Variants in PPP2R5A observed in about 807,000 individuals in gnomAD.
PPP2R5A encodes the protein protein phosphatase 2 regulatory subunit B'alpha.
PPP2R5A carries 25 observed loss-of-function variants against 64.2 expected under a neutral mutation model. The observed-to-expected ratio is 0.39, with a 90% CI of 0.28 to 0.54. The LOEUF is 0.54. PPP2R5A is among the 20% of genes least tolerant of loss of function. The pLI, the probability that PPP2R5A is intolerant of heterozygous loss-of-function variation, is 0.67. For missense variants in PPP2R5A, 425 were observed against 576.3 expected (o/e 0.74, Z 2.69); for synonymous variants, 198 against 201.2 (o/e 0.98, Z 0.13).
chr1:212,290,782 T>C (rs1218488119), intron 1 of PPP2R5A, among the ~76,000 whole-genome samples: 2 of 152,232 alleles, frequency 1.3e-5, no homozygotes, highest in African/African-American at 4.8e-5. Flanking sequence ...CATTGTAGTA[T>C]GTTACTGTCA....
intron 1 of PPP2R5A, among the ~76,000 whole-genome samples, chr1:212,294,215 G>T (rs1326180794): frequency 6.6e-6 from 1 of 152,038 alleles, no homozygotes; most frequent in African/African-American, 2.4e-5. Flanking sequence ...CATAATTACA[G>T]CTATTACCAT....
At chr1:212,322,231 A>ACTGTG (rs1282953892) in intron 1 of PPP2R5A, among the ~76,000 whole-genome samples, 1 of 103,810 alleles carries the variant, frequency 9.6e-6, no homozygotes, top group Non-Finnish European at 1.9e-5. Context: ...GGAGAGGGAG[A>ACTGTG]GGGAGAGGGA....
intron 1 of PPP2R5A, among the ~76,000 whole-genome samples, chr1:212,298,843 T>C (rs1658743091): frequency 1.2e-4 from 4 of 33,174 alleles, no homozygotes; most frequent in African/African-American, 3.0e-4. Context: ...GAGGCGCCCC[T>C]CACCTCCCGG....
rs1037772579 is a variant in PPP2R5A at position 212,331,691 on chromosome 1, C to T, written c.379-1806C>T. ...GCTTATATTCAGGAATTTTTAAAGT[C>T]CTGGGAATTAATCTCTAAAATTGTT... is the stretch of plus-strand genomic sequence containing the variant. On this transcript the variant is annotated intron_variant, in intron 2 of 12. Coordinates refer to ENST00000261461, the MANE Select transcript of PPP2R5A (RefSeq NM_006243.4). 13 of 152,116 alleles carry T rather than the reference C, an allele frequency of 8.5e-5. No homozygotes were observed. The South Asian group carries it at 1.9e-3, about 22-fold the overall frequency. 9.4% of individuals were successfully genotyped at this position (152,116 alleles called of 1,614,324 possible).
At chr1:212,307,732 A>G (rs1209843771) in intron 1 of PPP2R5A, among the ~76,000 whole-genome samples, 3 of 152,226 alleles carry the variant, frequency 2.0e-5, no homozygotes, top group Non-Finnish European at 4.4e-5. Flanking sequence ...ATTGGTGGTC[A>G]TATGCTTGAG....
At chr1:212,291,487 A>G (rs1437539266) in intron 1 of PPP2R5A, among the ~76,000 whole-genome samples, 1 of 152,258 alleles carries the variant, frequency 6.6e-6, no homozygotes, top group African/African-American at 2.4e-5. Flanking sequence ...ATCCACTTAC[A>G]GTATTTTTAA....
Position 212,312,757 on chromosome 1 carries a change from C to T in PPP2R5A, c.182-16378C>T, listed in dbSNP as rs553930817. Among the ~76,000 whole-genome samples the T allele has an allele frequency of 1.6e-4, 25 of 152,034 alleles. 2 individuals are homozygous for T. The South Asian group carries it at 5.0e-3, about 30-fold the overall frequency. ...TTTGACTGATTCCTAATTTAAAACCCCAACAGGGAAATTACAAGAAAATTA... is the reference window on the plus strand; with the variant it reads ...TTTGACTGATTCCTAATTTAAAACCTCAACAGGGAAATTACAAGAAAATTA... On this transcript the variant is annotated intron_variant, in intron 1 of 12. Coordinates refer to ENST00000261461, the MANE Select transcript of PPP2R5A (RefSeq NM_006243.4).
chr1:212,341,111 A>C (rs1571604392), intron 3 of PPP2R5A, among the ~76,000 whole-genome samples: 1 of 152,182 alleles, frequency 6.6e-6, no homozygotes. Context: ...ATAAAAAAAA[A>C]CTTTAGTCAT....
chr1:212,294,464 AAAC>A (rs756379237), intron 1 of PPP2R5A, among the ~76,000 whole-genome samples: 2 of 152,234 alleles, frequency 1.3e-5, no homozygotes, highest in Non-Finnish European at 2.9e-5. Flanking sequence ...AAACAAACAA[AAAC>A]AACAACAAAA....
intron 3 of PPP2R5A, among the ~76,000 whole-genome samples, chr1:212,334,987 T>C (rs1659565860): frequency 2.0e-5 from 3 of 152,146 alleles, no homozygotes; most frequent in African/African-American, 7.2e-5. Flanking sequence ...TTCCTGCCCT[T>C]TTTCTCTCAT....
intron 8 of PPP2R5A, among the ~76,000 whole-genome samples, chr1:212,353,249 C>A (rs890290675): frequency 2.6e-5 from 4 of 152,236 alleles, no homozygotes; most frequent in Non-Finnish European, 4.4e-5. Context: ...CAGCATGGCA[C>A]CTTACTTCAT....
intron 8 of PPP2R5A, among the ~76,000 whole-genome samples, chr1:212,354,887 C>A (rs1417597352): frequency 6.6e-6 from 1 of 152,148 alleles, no homozygotes; most frequent in Non-Finnish European, 1.5e-5. Flanking sequence ...ACAAGAACAT[C>A]CTGTACAGGT....
At chr1:212,319,947 G>GTTTTTTTT (rs71137742) in intron 1 of PPP2R5A, among the ~76,000 whole-genome samples, 3 of 103,388 alleles carry the variant, frequency 2.9e-5, no homozygotes, top group Non-Finnish European at 5.7e-5. Flanking sequence ...CTTACAGATT[G>GTTTTTTTT]TTTTTTTTTT....
chr1:212,325,083 C>T (rs1300069008), intron 1 of PPP2R5A, among the ~76,000 whole-genome samples: 2 of 151,728 alleles, frequency 1.3e-5, no homozygotes, highest in African/African-American at 4.8e-5. Context: ...CCTTATATAC[C>T]CTACCCTAGA....
chr1:212,329,939 C>A (rs112707026), intron 2 of PPP2R5A, among the ~76,000 whole-genome samples: 3 of 152,160 alleles, frequency 2.0e-5, no homozygotes, highest in East Asian at 1.9e-4. Context: ...CCACCGCACC[C>A]GGCCATTACT....
intron 1 of PPP2R5A, among the ~76,000 whole-genome samples, chr1:212,327,098 T>C (rs1394298424): frequency 1.3e-5 from 2 of 152,238 alleles, no homozygotes; most frequent in Admixed American, 6.5e-5. Context: ...TTACGAAGCA[T>C]AGGCATTCTT....
At chr1:212,307,246 A>T (rs1658935317) in intron 1 of PPP2R5A, among the ~76,000 whole-genome samples, 1 of 148,654 alleles carries the variant, frequency 6.7e-6, no homozygotes, top group Non-Finnish European at 1.5e-5. Flanking sequence ...ATTTTTCACT[A>T]CATATTTTTG....
chr1:212,317,537 C>A (rs1659179763), intron 1 of PPP2R5A, among the ~76,000 whole-genome samples: 2 of 152,062 alleles, frequency 1.3e-5, no homozygotes, highest in African/African-American at 4.8e-5. Context: ...TACTTCATAA[C>A]TTACATACTT....
chr1:212,355,208 G>A (rs1288305989), intron 8 of PPP2R5A, among the ~76,000 whole-genome samples: 1 of 151,924 alleles, frequency 6.6e-6, no homozygotes, highest in Non-Finnish European at 1.5e-5. Flanking sequence ...TTTTATAAAG[G>A]TATTGATTTT....
Sources: gnomAD v4.1 joint callset for allele counts (sites outside exome capture counted in the v4.1 genomes callset) on GRCh38, gnomAD v4.1.1 for gene constraint, MANE v1.5 for transcripts, NCBI Gene and HGNC (gene_info 2026-07-23, HGNC 2026-07-21) for gene names.